The following PPP3CC variants were observed in gnomAD, a reference collection of about 807,000 sequenced individuals.
PPP3CC encodes the protein protein phosphatase 3 catalytic subunit gamma, also known as serine/threonine-protein phosphatase 2B catalytic subunit gamma isoform.
Under a neutral mutation model 60.3 loss-of-function variants are expected in PPP3CC, and 35 were observed. The ratio of observed to expected loss-of-function variants is 0.58; its 90% CI spans 0.44 to 0.77. The LOEUF (loss-of-function observed/expected upper bound fraction) is 0.77. PPP3CC is among the 30% of genes least tolerant of loss of function. The probability of loss-of-function intolerance (pLI) is 0.00; values close to 1 mark genes in which losing one functional copy is unlikely to be tolerated. For synonymous variants in PPP3CC, 206 were observed against 224.3 expected, an observed-to-expected ratio of 0.92 and a Z score of 0.73; for missense variants, 570 against 628.9, an observed-to-expected ratio of 0.91 and a Z score of 1.00.
chr8:22,498,975 T>G (rs570781831), intron 4 of PPP3CC, among the ~76,000 whole-genome samples: 13 of 151,628 alleles, frequency 8.6e-5, no homozygotes, highest in Middle Eastern at 3.4e-3. Context: ...AATACAAAAA[T>G]TAGCCGGGTG....
intron 13 of PPP3CC, 82 bp from the exon 14 acceptor site, chr8:22,540,533 C>T (rs772073882): frequency 1.7e-4 from 227 of 1,360,096 alleles, no homozygotes; most frequent in Non-Finnish European, 2.2e-4. Context: ...TAGGAGGTTG[C>T]TGTGTGCTAA....
At chr8:22,458,042 G>A (rs1041734830) in intron 1 of PPP3CC, among the ~76,000 whole-genome samples, 2 of 152,078 alleles carry the variant, frequency 1.3e-5, no homozygotes, top group Admixed American at 6.5e-5. Flanking sequence ...AGTGAGCCGA[G>A]ATCGTGCCAT....
intron 3 of PPP3CC, among the ~76,000 whole-genome samples, chr8:22,495,923 A>G (rs964257686): frequency 6.6e-6 from 1 of 152,120 alleles, no homozygotes; most frequent in African/African-American, 2.4e-5. Context: ...ATTTTTAGTC[A>G]TTAGTTACAC....
chr8:22,511,979 TA>T (rs33949663), intron 5 of PPP3CC, among the ~76,000 whole-genome samples: 68,734 of 151,998 alleles, frequency 0.45, 15,584 homozygotes, highest in East Asian at 0.55. Context: ...TTTTAGATGA[TA>T]ACGGTTTCAT....
At chr8:22,502,390 T>C (rs1586839957) in intron 4 of PPP3CC, among the ~76,000 whole-genome samples, 1 of 152,206 alleles carries the variant, frequency 6.6e-6, no homozygotes, top group East Asian at 1.9e-4. Flanking sequence ...AGGCAGCTAT[T>C]GAAAGACCAA....
intron 1 of PPP3CC, among the ~76,000 whole-genome samples, chr8:22,447,430 T>C (rs967232400): frequency 6.6e-6 from 1 of 151,796 alleles, no homozygotes; most frequent in Non-Finnish European, 1.5e-5. Flanking sequence ...GATCCGCCCG[T>C]CTCGGCCTCC....
In PPP3CC at chr8:22,501,887, C is replaced by CA. The variant is rs1474192633; in HGVS notation, c.484+3776dup. On this transcript the variant is annotated intron_variant, in intron 4 of 13. Coordinates refer to ENST00000240139, the MANE Select transcript of PPP3CC (RefSeq NM_005605.5). ...AAAAAACTAGAATTCAGTCAGCCTG[C>CA]ATGGTGGTACAAGCCTGTAGTCCCG... Among the ~76,000 whole-genome samples the CA allele has an allele frequency of 3.3e-5, 5 of 152,264 alleles. No individual in the cohort carries two copies. In the East Asian group the frequency reaches 9.7e-4, roughly 29 times the overall value.
At chr8:22,469,052 A>G (rs1490757336) in intron 1 of PPP3CC, among the ~76,000 whole-genome samples, 1 of 152,202 alleles carries the variant, frequency 6.6e-6, no homozygotes, top group Non-Finnish European at 1.5e-5. Context: ...TTGCAGTACT[A>G]TTCACAACAG....
intron 3 of PPP3CC, among the ~76,000 whole-genome samples, chr8:22,484,262 C>T (rs1431540731): frequency 1.3e-5 from 2 of 152,076 alleles, no homozygotes; most frequent in Non-Finnish European, 2.9e-5. Flanking sequence ...TTTACTTAAA[C>T]TAATCAGAAT....
At chr8:22,492,198 A>G (rs1175193607) in intron 3 of PPP3CC, among the ~76,000 whole-genome samples, 2 of 152,110 alleles carry the variant, frequency 1.3e-5, no homozygotes, top group Admixed American at 6.6e-5. Flanking sequence ...CACAAGGGTA[A>G]GTATTGTGTG....
chr8:22,501,374 C>G (rs1838756856), intron 4 of PPP3CC, among the ~76,000 whole-genome samples: 1 of 152,186 alleles, frequency 6.6e-6, no homozygotes, highest in Admixed American at 6.5e-5. Context: ...TATTGTAGGT[C>G]AGAAGTCCAG....
intron 1 of PPP3CC, among the ~76,000 whole-genome samples, chr8:22,462,556 G>T (rs1218501462): frequency 6.6e-6 from 1 of 150,996 alleles, no homozygotes; most frequent in African/African-American, 2.4e-5. Context: ...AGGCCATTTT[G>T]TTCTTTTTTT....
rs918226695 is a variant in PPP3CC at position 22,455,255 on chromosome 8, G to A, written c.49+13797G>A. ...AATACTACTTGAAAAGTACTCATGC[G>A]GTGTAGCATATAATAGCCTCTCAAA... On this transcript the variant is annotated intron_variant, in intron 1 of 13. Transcript: ENST00000240139. 3.3e-5 allele frequency among the ~76,000 whole-genome samples: 5 copies of A among 152,112 alleles called. No individual in the cohort carries two copies. The East Asian group carries it at 9.6e-4, about 29-fold the overall frequency.
intron 4 of PPP3CC, chr8:22,510,761 C>G: frequency 4.2e-6 from 1 of 237,292 alleles, no homozygotes; most frequent in Non-Finnish European, 8.3e-6. Context: ...TCAGAGGAGC[C>G]CAAAGCTATA....
At chr8:22,517,443 CT>C (rs57886444) in intron 6 of PPP3CC, among the ~76,000 whole-genome samples, 69,236 of 151,616 alleles carry the variant, frequency 0.46, 15,833 homozygotes, top group East Asian at 0.55. Context: ...GGTATTAATT[CT>C]TTTTTTTAAT....
At chr8:22,465,952 A>T (rs892356932) in intron 1 of PPP3CC, among the ~76,000 whole-genome samples, 1 of 151,942 alleles carries the variant, frequency 6.6e-6, no homozygotes, top group East Asian at 1.9e-4. Flanking sequence ...CTCATCATTT[A>T]CATTAGGTAT....
At chr8:22,510,831 G>A (rs754535991) in intron 4 of PPP3CC, 3 of 405,560 alleles carry the variant, frequency 7.4e-6, no homozygotes, top group Non-Finnish European at 1.3e-5. Context: ...ATAACACAGT[G>A]GACAGTCACC....
intron 1 of PPP3CC, among the ~76,000 whole-genome samples, chr8:22,453,634 T>C (rs11997684): frequency 0.016 from 2,459 of 152,292 alleles, 61 homozygotes; most frequent in African/African-American, 0.056. Flanking sequence ...ACCCATGTTG[T>C]TTGAGTTAAC....
At chr8:22,524,380 C>G (rs1839486099) in intron 8 of PPP3CC, among the ~76,000 whole-genome samples, 1 of 152,092 alleles carries the variant, frequency 6.6e-6, no homozygotes, top group African/African-American at 2.4e-5. Context: ...TTTAGTGTGT[C>G]CTCCAGTGAC....
Sources: gnomAD v4.1 joint callset for allele counts (sites outside exome capture counted in the v4.1 genomes callset) on GRCh38, gnomAD v4.1.1 for gene constraint, MANE v1.5 for transcripts, NCBI Gene and HGNC (gene_info 2026-07-23, HGNC 2026-07-21) for gene names.